Variants in PTPRC observed in about 807,000 individuals in gnomAD.
PTPRC encodes the protein protein tyrosine phosphatase receptor type C.
In PTPRC, 44 loss-of-function variants were observed where a neutral mutation model predicts 155.9. The ratio of observed to expected loss-of-function variants is 0.28; its 90% CI spans 0.22 to 0.36. PTPRC has a LOEUF of 0.36. Among genes scored for constraint, PTPRC ranks in the 10% least tolerant of loss-of-function variants. PTPRC has a pLI of 1.00. For missense variants in PTPRC, 1,401 were observed against 1,564.6 expected, an observed-to-expected ratio of 0.90 and a Z score of 1.76; for synonymous variants, 525 against 533.1, an observed-to-expected ratio of 0.98 and a Z score of 0.21.
chr1:198,739,311 C>T (rs1411112322), intron 23 of PTPRC, among the ~76,000 whole-genome samples: 3 of 151,524 alleles, frequency 2.0e-5, no homozygotes, highest in Non-Finnish European at 4.4e-5. Flanking sequence ...AAACAAGACC[C>T]AACAATCTGT....
At chr1:198,656,183 A>C (rs1227337184) in intron 2 of PTPRC, among the ~76,000 whole-genome samples, 1 of 152,114 alleles carries the variant, frequency 6.6e-6, no homozygotes, top group Non-Finnish European at 1.5e-5. Flanking sequence ...GTCCTGTAAG[A>C]GTTATCCATG....
intron 23 of PTPRC, among the ~76,000 whole-genome samples, chr1:198,739,930 C>T (rs1026820238): frequency 2.0e-5 from 3 of 151,734 alleles, no homozygotes; most frequent in Middle Eastern, 3.2e-3. Context: ...GGAAACTATA[C>T]AAACTCATGG....
intron 11 of PTPRC, among the ~76,000 whole-genome samples, chr1:198,710,721 AG>A (rs1331464790): frequency 6.6e-6 from 1 of 152,192 alleles, no homozygotes; most frequent in Non-Finnish European, 1.5e-5. Flanking sequence ...TCACATTTTC[AG>A]GTTTGTTACT....
chr1:198,641,276 T>C (rs1662567822), intron 2 of PTPRC, among the ~76,000 whole-genome samples: 3 of 152,090 alleles, frequency 2.0e-5, no homozygotes, highest in Admixed American at 2.0e-4. Context: ...AATGTATAAT[T>C]TGGAAAATTC....
rs375169965 is a variant in PTPRC at position 198,694,379 on chromosome 1, C to A, written c.100+2006C>A. The stretch of plus-strand genomic sequence containing the variant: ...CCAGTCCACTGACTCAAATGTTAAT[C>A]TCCCTTGGCAATACGCTCACAGGCA... On this transcript the variant is annotated intron_variant, in intron 3 of 32. Transcript: ENST00000442510. 9 of 1,070,956 alleles carry A rather than the reference C, an allele frequency of 8.4e-6. No homozygotes were observed. In the East Asian group the frequency reaches 2.7e-4, roughly 32 times the overall value. The allele number at this position is 1,070,956 out of a possible 1,614,324, so 66.3% of individuals were successfully genotyped here.
At chr1:198,653,928 T>C (rs1663396313) in intron 2 of PTPRC, among the ~76,000 whole-genome samples, 1 of 151,908 alleles carries the variant, frequency 6.6e-6, no homozygotes, top group African/African-American at 2.4e-5. Flanking sequence ...TTCAGTGCCA[T>C]AACTTGCCTT....
At chr1:198,678,619 G>T (rs1665098374) in intron 2 of PTPRC, among the ~76,000 whole-genome samples, 1 of 152,174 alleles carries the variant, frequency 6.6e-6, no homozygotes. Context: ...GAGATGCACC[G>T]TGTTGGGGTT....
intron 17 of PTPRC, 51 bp downstream of exon 17, chr1:198,729,222 C>A: frequency 6.5e-7 from 1 of 1,535,170 alleles, no homozygotes; most frequent in Non-Finnish European, 8.8e-7. Context: ...GCATTTGAAT[C>A]CATTCATTTT....
intron 12 of PTPRC, among the ~76,000 whole-genome samples, chr1:198,713,439 C>A (rs1401494303): frequency 6.6e-6 from 1 of 151,910 alleles, no homozygotes; most frequent in African/African-American, 2.4e-5. Flanking sequence ...AACAAACAAG[C>A]AAACCCCTTG....
chr1:198,730,110 A>G (rs1201830412), intron 17 of PTPRC, among the ~76,000 whole-genome samples: 1 of 152,176 alleles, frequency 6.6e-6, no homozygotes. Flanking sequence ...TTTCTGATCC[A>G]GTAAAAGGGG....
intron 25 of PTPRC, among the ~76,000 whole-genome samples, chr1:198,743,527 AC>A (rs1255802378): frequency 6.6e-6 from 1 of 151,858 alleles, no homozygotes; most frequent in Non-Finnish European, 1.5e-5. Context: ...CTGGATTCAA[AC>A]AAAATAAGCA....
chr1:198,674,221 C>CT (rs1208438824), intron 2 of PTPRC, among the ~76,000 whole-genome samples: 4 of 152,262 alleles, frequency 2.6e-5, no homozygotes, highest in African/African-American at 9.6e-5. Context: ...ATGCTCATCA[C>CT]TTCAGTTGGA....
chr1:198,748,206 A>AGTT lies in PTPRC; in HGVS notation c.2938+8_2938+10dup, dbSNP rs777561023. 1 of 1,597,164 alleles carries AGTT rather than the reference A, an allele frequency of 6.3e-7. No homozygotes were observed. Among genetic ancestry groups the AGTT allele is most frequent in the South Asian group, 1.1e-5 (1 of 88,782 alleles). On this transcript the variant is annotated splice_region_variant and intron_variant, in intron 27 of 32. Transcript: ENST00000442510. ...AATTCTAATGTCATCCCATGTATGT[A>AGTT]GTTTATTTTTTTATTTTTTGTATCA... is the stretch of plus-strand genomic sequence containing the variant.
chr1:198,756,326 G>A lies in PTPRC; in HGVS notation c.*145G>A, dbSNP rs1398890928. On this transcript the variant is annotated 3_prime_UTR_variant, in exon 33 of 33. Transcript: ENST00000442510. The stretch of plus-strand genomic sequence containing the variant: ...TAGAAGGGTTATATTTTACTACTGT[G>A]GAAAAATATTTAAGATAGTTTTGCC... 8 of 1,071,660 alleles carry A rather than the reference G, an allele frequency of 7.5e-6. No individual in the cohort carries two copies. The highest frequency in any genetic ancestry group is 2.7e-6 in the Non-Finnish European group (2 of 746,888). 66.4% of individuals were successfully genotyped at this position (1,071,660 alleles called of 1,614,324 possible).
rs760330763 is a variant in PTPRC at position 198,699,721 on chromosome 1, G to A, written c.439+17G>A. On this transcript the variant is annotated intron_variant, in intron 5 of 32. Coordinates refer to ENST00000442510, the MANE Select transcript of PTPRC (RefSeq NM_002838.5). ...CTATCTCAGGTTTGCGGGTCCTTTA[G>A]ACTTGTGCAAATATGAAAAGTACAT... is the stretch of plus-strand genomic sequence containing the variant. 38 of 1,613,988 alleles carry A rather than the reference G, an allele frequency of 2.4e-5. No homozygotes were observed. The Admixed American group carries it at 2.5e-4, about 11-fold the overall frequency.
intron 32 of PTPRC, among the ~76,000 whole-genome samples, chr1:198,754,719 G>A (rs997955766): frequency 1.3e-5 from 2 of 151,932 alleles, no homozygotes; most frequent in Admixed American, 6.6e-5. Context: ...TTTGTGTTGT[G>A]TAACAAACCA....
rs143814848 is a variant in PTPRC, at chr1:198,639,245, T to C, written c.-24T>C. 201 of 1,610,958 alleles carry C rather than the reference T, an allele frequency of 1.2e-4. No homozygotes were observed. In the East Asian group the frequency reaches 4.2e-3, roughly 33 times the overall value. On this transcript the variant is annotated 5_prime_UTR_variant, in exon 2 of 33. Coordinates refer to ENST00000442510, the MANE Select transcript of PTPRC (RefSeq NM_002838.5). ...TTTCAGAAGGACGCATGCTGTTTCT[T>C]AGGGACACGGCTGACTTCCAGATAT...
chr1:198,727,068 C>T (rs546070429), intron 15 of PTPRC, among the ~76,000 whole-genome samples: 1 of 152,064 alleles, frequency 6.6e-6, no homozygotes, highest in South Asian at 2.1e-4. Context: ...ACCATGTTGG[C>T]CAGGCTGCTC....
chr1:198,721,072 T>A (rs1653863937), intron 14 of PTPRC, among the ~76,000 whole-genome samples: 1 of 152,208 alleles, frequency 6.6e-6, no homozygotes. Context: ...ACGTTCAAAG[T>A]AGGAGATAAT....
Sources: gnomAD v4.1 joint callset for allele counts (sites outside exome capture counted in the v4.1 genomes callset) on GRCh38, gnomAD v4.1.1 for gene constraint, MANE v1.5 for transcripts, NCBI Gene and HGNC (gene_info 2026-07-23, HGNC 2026-07-21) for gene names.